Variants in GALNT13 observed in about 807,000 individuals in gnomAD.
GALNT13 encodes the protein UDP-GalNAc:polypeptide N-acetylgalactosaminyltransferase 13.
A neutral mutation model predicts 64.2 loss-of-function variants in GALNT13; 28 were observed. The ratio of observed to expected loss-of-function variants is 0.44; its 90% CI spans 0.32 to 0.60. GALNT13 has a LOEUF of 0.60. Among genes scored for constraint, GALNT13 ranks in the 20% least tolerant of loss-of-function variants. GALNT13 has a pLI of 0.05. For missense variants in GALNT13, 577 were observed against 669.8 expected, an observed-to-expected ratio of 0.86 and a Z score of 1.53; for synonymous variants, 214 against 224.6, an observed-to-expected ratio of 0.95 and a Z score of 0.42.
the GALNT13 span, among the ~76,000 whole-genome samples, chr2:153,615,679 T>C: frequency 6.6e-6 from 1 of 152,124 alleles, no homozygotes; most frequent in African/African-American, 2.4e-5. Context: ...TGTTTCCCAT[T>C]TGAGAAAATG....
chr2:153,263,253 C>T, the GALNT13 span, among the ~76,000 whole-genome samples: 1 of 151,938 alleles, frequency 6.6e-6, no homozygotes, highest in South Asian at 2.1e-4. Flanking sequence ...AGTGAAGGAC[C>T]TCTTCAAGGA....
chr2:153,845,826 T>C, the GALNT13 span, among the ~76,000 whole-genome samples: 1 of 152,098 alleles, frequency 6.6e-6, no homozygotes, highest in Non-Finnish European at 1.5e-5. Context: ...CAAAAGTATA[T>C]ACCAAACACA....
At chr2:153,901,871 T>A (rs956718675) in intron 2 of GALNT13, among the ~76,000 whole-genome samples, 2 of 152,154 alleles carry the variant, frequency 1.3e-5, no homozygotes, top group Non-Finnish European at 2.9e-5. Flanking sequence ...TATTATACTT[T>A]TCAGCATTTG....
chr2:153,727,849 T>C, the GALNT13 span, among the ~76,000 whole-genome samples: 1 of 152,138 alleles, frequency 6.6e-6, no homozygotes, highest in East Asian at 1.9e-4. Context: ...ATTCAGGTTT[T>C]AAGCCCGTAT....
intron 12 of GALNT13, among the ~76,000 whole-genome samples, chr2:154,440,918 T>G (rs183374482): frequency 6.6e-6 from 1 of 152,232 alleles, no homozygotes; most frequent in African/African-American, 2.4e-5. Flanking sequence ...AAATATAACA[T>G]TTATTACTAT....
the GALNT13 span, among the ~76,000 whole-genome samples, chr2:153,256,186 A>G: frequency 6.6e-6 from 1 of 151,330 alleles, no homozygotes; most frequent in Non-Finnish European, 1.5e-5. Flanking sequence ...TTTTTTCTCT[A>G]AACTTCCCTT....
At chr2:154,409,893 T>G (rs2105394688) in intron 11 of GALNT13, among the ~76,000 whole-genome samples, 1 of 152,086 alleles carries the variant, frequency 6.6e-6, no homozygotes, top group East Asian at 1.9e-4. Flanking sequence ...CAAGATTTAT[T>G]ACAAAAATAC....
chr2:153,302,325 A>C, the GALNT13 span, among the ~76,000 whole-genome samples: 1 of 151,984 alleles, frequency 6.6e-6, no homozygotes, highest in Non-Finnish European at 1.5e-5. Context: ...TTTTTTTTAC[A>C]TACTTGTTAA....
intron 11 of GALNT13, among the ~76,000 whole-genome samples, chr2:154,434,743 A>G (rs1231204083): frequency 1.3e-5 from 2 of 152,138 alleles, no homozygotes; most frequent in African/African-American, 2.4e-5. Context: ...GACAACATGA[A>G]CATTAAGTGT....
At chr2:154,416,130 G>C (rs1355078304) in intron 11 of GALNT13, among the ~76,000 whole-genome samples, 2 of 152,086 alleles carry the variant, frequency 1.3e-5, no homozygotes, top group Non-Finnish European at 2.9e-5. Context: ...TTGTCCTCCT[G>C]TCAGGAGATT....
chr2:154,311,232 G>T (rs115956649), intron 9 of GALNT13, among the ~76,000 whole-genome samples: 3,130 of 152,064 alleles, frequency 0.021, 101 homozygotes, highest in African/African-American at 0.07. Flanking sequence ...TATTTGTATA[G>T]ATAATTGCAC....
the GALNT13 span, among the ~76,000 whole-genome samples, chr2:153,542,370 C>A: frequency 0.096 from 4,128 of 42,918 alleles, 151 homozygotes; most frequent in African/African-American, 0.43. Context: ...AAAAAAAAAA[C>A]CGGAAGTAGA....
chr2:153,282,039 G>A, the GALNT13 span, among the ~76,000 whole-genome samples: 1 of 151,918 alleles, frequency 6.6e-6, no homozygotes, highest in Non-Finnish European at 1.5e-5. Flanking sequence ...ATGAATGGCA[G>A]TGATTCCTAG....
chr2:153,168,149 T>C, the GALNT13 span, among the ~76,000 whole-genome samples: 2 of 152,216 alleles, frequency 1.3e-5, no homozygotes, highest in Admixed American at 6.5e-5. Flanking sequence ...CAAGATGATA[T>C]GTTTCCCTCA....
chr2:153,562,029 C>T, the GALNT13 span, among the ~76,000 whole-genome samples: 1 of 118,428 alleles, frequency 8.4e-6, no homozygotes, highest in African/African-American at 3.5e-5. Flanking sequence ...CCCTCCCTCT[C>T]CTCTCTCTCT....
chr2:154,081,416 C>T (rs899824209), intron 3 of GALNT13, among the ~76,000 whole-genome samples: 2 of 151,452 alleles, frequency 1.3e-5, no homozygotes, highest in South Asian at 2.1e-4. Flanking sequence ...CCCTTGTGTC[C>T]TCTTAACAAA....
At chr2:154,292,376 T>A (rs1692694723) in intron 8 of GALNT13, among the ~76,000 whole-genome samples, 1 of 152,228 alleles carries the variant, frequency 6.6e-6, no homozygotes, top group Non-Finnish European at 1.5e-5. Flanking sequence ...GCAAAGTCAT[T>A]ATCATCTCTG....
At chr2:153,336,421 C>G in the GALNT13 span, among the ~76,000 whole-genome samples, 1 of 152,172 alleles carries the variant, frequency 6.6e-6, no homozygotes, top group African/African-American at 2.4e-5. Flanking sequence ...CCACCTCTTG[C>G]ATCAGCATGA....
At chr2:154,364,475 CAGT>C (rs1697249766) in intron 9 of GALNT13, among the ~76,000 whole-genome samples, 1 of 151,912 alleles carries the variant, frequency 6.6e-6, no homozygotes, top group Non-Finnish European at 1.5e-5. Flanking sequence ...TGATCACGGG[CAGT>C]TAGAAAGTAT....
Sources: gnomAD v4.1 joint callset for allele counts (sites outside exome capture counted in the v4.1 genomes callset) on GRCh38, gnomAD v4.1.1 for gene constraint, MANE v1.5 for transcripts, NCBI Gene and HGNC (gene_info 2026-07-23, HGNC 2026-07-21) for gene names.